Variants in WDR43 observed in about 807,000 individuals in gnomAD.
WDR43 encodes WD repeat-containing protein 43.
A neutral mutation model predicts 91.4 loss-of-function variants in WDR43; 13 were observed. The observed-to-expected ratio is 0.14, with a 90% CI of 0.09 to 0.23. The LOEUF is 0.23. Among genes scored for constraint, WDR43 ranks in the 10% least tolerant of loss-of-function variants. The pLI is 1.00. For missense variants in WDR43, 780 were observed against 809.4 expected (o/e 0.96, Z 0.44); for synonymous variants, 331 against 287.9 (o/e 1.15, Z -1.51).
Position 28,935,751 on chromosome 2 carries a change from A to C in WDR43, c.1524+144A>C, listed in dbSNP as rs1329983636. On this transcript the variant is annotated intron_variant, in intron 12 of 17. Coordinates refer to ENST00000407426, the MANE Select transcript of WDR43 (RefSeq NM_015131.3). ...GATGGAGGAAAGTACTTTAGACAAA[A>C]AAAAAAAAAAAAAAAAAGTGAAATT... 3.0e-4 allele frequency: 8 copies of C among 26,652 alleles called. No individual in the cohort carries two copies. The South Asian group carries it at 4.0e-3, about 13-fold the overall frequency. The allele number at this position is 26,652 out of a possible 1,614,324, so 1.7% of individuals were successfully genotyped here. A position where few individuals can be genotyped will look rare whatever the true frequency, so the allele number is the denominator to read the frequency against.
intron 11 of WDR43, among the ~76,000 whole-genome samples, chr2:28,934,249 G>A (rs1284474912): frequency 6.6e-6 from 1 of 152,136 alleles, no homozygotes; most frequent in Admixed American, 6.5e-5. Context: ...CCAATACATA[G>A]TTCAGTAGCT....
intron 16 of WDR43, among the ~76,000 whole-genome samples, chr2:28,944,707 G>T (rs566142639): frequency 3.0e-4 from 46 of 152,216 alleles, no homozygotes; most frequent in Non-Finnish European, 3.8e-4. Flanking sequence ...GTAGCATCGT[G>T]TAATTGTATT....
chr2:28,903,199 C>A (rs1572579793), intron 2 of WDR43, among the ~76,000 whole-genome samples: 1 of 152,048 alleles, frequency 6.6e-6, no homozygotes, highest in African/African-American at 2.4e-5. Context: ...AAAATCCCAA[C>A]AAGTGGGATA....
intron 4 of WDR43, chr2:28,913,811 C>G (rs1670854107): frequency 7.6e-6 from 5 of 657,342 alleles, no homozygotes; most frequent in Non-Finnish European, 1.1e-5. Context: ...ATGTAAGAAA[C>G]AAAGGTGCGG....
intron 14 of WDR43, among the ~76,000 whole-genome samples, chr2:28,940,497 T>C (rs1671415520): frequency 6.6e-6 from 1 of 152,138 alleles, no homozygotes. Flanking sequence ...CCCAAAGTGC[T>C]GGGATTACAG....
intron 10 of WDR43, among the ~76,000 whole-genome samples, chr2:28,929,106 TTAAAAA>T (rs1671196384): frequency 6.6e-6 from 1 of 152,238 alleles, no homozygotes; most frequent in Non-Finnish European, 1.5e-5. Context: ...GAGCTCACTG[TTAAAAA>T]TAGGAAGACA....
At chr2:28,921,602 C>A (rs143871180) in intron 6 of WDR43, among the ~76,000 whole-genome samples, 1 of 152,210 alleles carries the variant, frequency 6.6e-6, no homozygotes, top group African/African-American at 2.4e-5. Context: ...TCAAAAGTTA[C>A]CAACCTTTCT....
In WDR43 at chr2:28,898,879, T is replaced by C. The variant is rs540420594; in HGVS notation, c.226-3108T>C. ...TAATTGCTGTACAAATTCAGACTTC[T>C]CATCACCTGAATGTGCTTTTTTCTG... On this transcript the variant is annotated intron_variant, in intron 1 of 17. Transcript: ENST00000407426. 5.3e-4 allele frequency among the ~76,000 whole-genome samples: 81 copies of C among 152,340 alleles called. 2 individuals are homozygous for C. The Middle Eastern group carries it at 0.014, about 26-fold the overall frequency.
At chr2:28,900,588 C>T (rs150101793) in intron 1 of WDR43, among the ~76,000 whole-genome samples, 100 of 152,244 alleles carry the variant, frequency 6.6e-4, no homozygotes, top group African/African-American at 2.2e-3. Context: ...GTATTTATAA[C>T]CTTATACAGA....
chr2:28,902,922 A>T (rs543073028), intron 2 of WDR43, among the ~76,000 whole-genome samples: 1 of 152,094 alleles, frequency 6.6e-6, no homozygotes, highest in Non-Finnish European at 1.5e-5. Context: ...TGTATATAGG[A>T]GTGTTTTAAG....
chr2:28,912,409 C>T (rs528678975), intron 3 of WDR43, among the ~76,000 whole-genome samples, 181 bp from the exon 4 acceptor site: 1 of 152,178 alleles, frequency 6.6e-6, no homozygotes, highest in Non-Finnish European at 1.5e-5. Flanking sequence ...ATCAATGAAG[C>T]TTTTATCACA....
chr2:28,929,603 G>A lies in WDR43; in HGVS notation c.1330G>A (p.Ala444Thr), dbSNP rs1342046226. ...NEVSIEERLGAMDIDTHKKGK... is the reference protein window; with the variant it reads ...NEVSIEERLGTMDIDTHKKGK... The stretch of plus-strand genomic sequence containing the variant: ...GGTTAGCATTGAAGAACGTCTGGGA[G>A]CAATGGATATAGACACACACAAAAA... The change falls in exon 11 of 18, where the codon GCA (alanine) becomes ACA (threonine). Residue 444 changes from alanine (A) to threonine (T), a missense_variant. This residue lies in a region of WDR43 where 426 missense variants were observed against 467.8 expected (regional missense o/e 0.91). Coordinates refer to ENST00000407426, the MANE Select transcript of WDR43 (RefSeq NM_015131.3). 3.7e-6 allele frequency: 6 copies of A among 1,612,616 alleles called. No homozygotes were observed. In the Admixed American group the frequency reaches 5.0e-5, roughly 13 times the overall value.
At chr2:28,932,379 T>A (rs958583849) in intron 11 of WDR43, among the ~76,000 whole-genome samples, 1 of 152,146 alleles carries the variant, frequency 6.6e-6, no homozygotes, top group East Asian at 1.9e-4. Flanking sequence ...GCCAGGATGG[T>A]CTCAGACTCC....
intron 11 of WDR43, among the ~76,000 whole-genome samples, chr2:28,931,177 G>A (rs373083883): frequency 2.0e-5 from 3 of 151,464 alleles, no homozygotes; most frequent in African/African-American, 7.3e-5. Flanking sequence ...CCAGGTCCTG[G>A]TTCAAGCAAT....
At chr2:28,918,288 C>T (rs1444676973) in intron 6 of WDR43, among the ~76,000 whole-genome samples, 1 of 151,998 alleles carries the variant, frequency 6.6e-6, no homozygotes, top group East Asian at 1.9e-4. Flanking sequence ...ATTCTTTAAT[C>T]AGATGAAATT....
Position 28,925,025 on chromosome 2 carries a change from G to A in WDR43, c.958G>A (p.Ala320Thr). Residue 320 changes from alanine to threonine, a missense_variant, in exon 8 of 18, where the codon GCA (alanine) becomes ACA (threonine). Transcript: ENST00000407426. Reference protein sequence around the residue: ...PLTSNCTIQIATPGKGKKSTP... With the variant: ...PLTSNCTIQITTPGKGKKSTP... ...GACTTCAAACTGCACAATTCAGATA[G>A]CAACACCTGGGAAAGGCAAGAAGTC... is the stretch of plus-strand genomic sequence containing the variant. 4 of 1,613,776 alleles carry A rather than the reference G, an allele frequency of 2.5e-6. No homozygotes were observed. The highest frequency in any genetic ancestry group is 2.5e-6 in the Non-Finnish European group (3 of 1,179,816).
rs116175722 is a variant in WDR43 at position 28,900,090 on chromosome 2, G to A, written c.226-1897G>A. ...AATTCAAATTGGCAATAAAGCATAC[G>A]CATATTTGGACCTGTCTTTGTTTCA... On this transcript the variant is annotated intron_variant, in intron 1 of 17. Transcript: ENST00000407426. 5.2e-3 allele frequency among the ~76,000 whole-genome samples: 791 copies of A among 152,228 alleles called. 6 individuals carry two copies. The highest frequency in any genetic ancestry group is 0.018 in the African/African-American group (750 of 41,528).
intron 11 of WDR43, among the ~76,000 whole-genome samples, chr2:28,930,869 T>G (rs952105312): frequency 6.6e-6 from 1 of 152,204 alleles, no homozygotes; most frequent in African/African-American, 2.4e-5. Flanking sequence ...GTTGATAGTC[T>G]CACTTGTCTC....
chr2:28,944,950 C>T (rs1671515618), intron 16 of WDR43, among the ~76,000 whole-genome samples: 2 of 152,200 alleles, frequency 1.3e-5, no homozygotes, highest in Admixed American at 1.3e-4. Context: ...GTACATTTTC[C>T]ATTTAATATT....
Sources: gnomAD v4.1 joint callset for allele counts (sites outside exome capture counted in the v4.1 genomes callset) on GRCh38, gnomAD v4.1.1 for gene constraint, gnomAD v4.1.1 regional missense constraint, MANE v1.5 for transcripts, NCBI Gene and HGNC (gene_info 2026-07-23, HGNC 2026-07-21) for gene names.